LRRC2: variants seen among roughly 807,000 people sequenced by gnomAD.
LRRC2 encodes leucine rich repeat containing 2, also known as leucine-rich repeat-containing protein 2.
A neutral mutation model predicts 40.2 loss-of-function variants in LRRC2; 27 were observed. That is an observed-to-expected ratio of 0.67 (90% CI 0.49 to 0.93). The LOEUF (loss-of-function observed/expected upper bound fraction) is 0.93, where lower values mean the gene tolerates loss of function less well. Among genes scored for constraint, LRRC2 ranks in the 40% least tolerant of loss-of-function variants. LRRC2 has a pLI of 0.00. For missense variants in LRRC2, 402 were observed against 439.6 expected, an observed-to-expected ratio of 0.91 and a Z score of 0.76; for synonymous variants, 147 against 158.9, an observed-to-expected ratio of 0.92 and a Z score of 0.56.
chr3:46,565,946 C>T lies in LRRC2; in HGVS notation c.-20+231G>A, dbSNP rs564956559. Among the ~76,000 whole-genome samples, 6 of 152,376 alleles carry T rather than the reference C, an allele frequency of 3.9e-5. No individual in the cohort carries two copies. The East Asian group carries it at 1.2e-3, about 29-fold the overall frequency. On this transcript the variant is annotated intron_variant, in intron 1 of 8. Coordinates refer to ENST00000395905, the MANE Select transcript of LRRC2 (RefSeq NM_024512.5). Reference sequence around the variant, plus strand: ...CCTCCCCACGCTCTCTCCTTTCTCGCCTTCCCACCATAGTCCTGGACCTCA... The same window carrying T: ...CCTCCCCACGCTCTCTCCTTTCTCGTCTTCCCACCATAGTCCTGGACCTCA...
intron 4 of LRRC2, among the ~76,000 whole-genome samples, chr3:46,537,187 G>C (rs1303400234): frequency 3.9e-5 from 6 of 152,132 alleles, no homozygotes; most frequent in Non-Finnish European, 7.4e-5. Flanking sequence ...GTGATGGCTG[G>C]TGCCATCACC....
At chr3:46,536,032 G>T (rs1037638442) in intron 4 of LRRC2, among the ~76,000 whole-genome samples, 1 of 152,140 alleles carries the variant, frequency 6.6e-6, no homozygotes, top group Non-Finnish European at 1.5e-5. Flanking sequence ...GTCCACCTCC[G>T]CCTTCATGGT....
chr3:46,530,703 A>G (rs553630675), intron 5 of LRRC2, among the ~76,000 whole-genome samples: 1 of 152,362 alleles, frequency 6.6e-6, no homozygotes, highest in African/African-American at 2.4e-5. Context: ...AAGAGAGCTT[A>G]TGCAGAGGAA....
intron 5 of LRRC2, among the ~76,000 whole-genome samples, chr3:46,530,871 C>T (rs1047423161): frequency 1.3e-5 from 2 of 152,080 alleles, no homozygotes; most frequent in Admixed American, 6.6e-5. Flanking sequence ...TGGGTGGGGA[C>T]GCAGCCAAAC....
In LRRC2 at chr3:46,527,533, G is replaced by A; in HGVS notation, c.822C>T (p.Tyr274=). ...TCAGGTTCAGCATGGAATAGGGAAG[G>A]TAGGTCAACTTGTTTTTATACAAGA... is the stretch of plus-strand genomic sequence containing the variant. ...SFLLYKNKLT[Y]LPYSMLNLKK... is the part of the protein sequence containing the mutation. Residue 274 remains tyrosine, a synonymous_variant, in exon 7 of 9, where the codon TAC becomes TAT. Transcript: ENST00000395905. 2 of 1,613,990 alleles carry A rather than the reference G, an allele frequency of 1.2e-6. No homozygotes were observed. The highest frequency in any genetic ancestry group is 1.7e-6 in the Non-Finnish European group (2 of 1,179,870).
chr3:46,538,714 T>C (rs1011895277), intron 4 of LRRC2, among the ~76,000 whole-genome samples: 9 of 152,214 alleles, frequency 5.9e-5, no homozygotes, highest in African/African-American at 2.2e-4. Context: ...ACATTACATT[T>C]CTAATAAGCA....
rs1266690488 is a variant in LRRC2 at position 46,532,926 on chromosome 3, T to C, written c.491-17A>G. ...TCAAACAACCTGTCAGCAGAAAAAG[T>C]TAACATCCATTGAATAGGTCGTTTA... On this transcript the variant is annotated splice_polypyrimidine_tract_variant and intron_variant, in intron 4 of 8. Transcript: ENST00000395905. The C allele has an allele frequency of 1.9e-6, 3 of 1,612,850 alleles. No individual in the cohort carries two copies. Among genetic ancestry groups the C allele is most frequent in the Admixed American group, 1.7e-5 (1 of 59,758 alleles).
At chr3:46,547,444 T>G (rs962832984) in intron 2 of LRRC2, among the ~76,000 whole-genome samples, 2 of 151,824 alleles carry the variant, frequency 1.3e-5, no homozygotes, top group Non-Finnish European at 2.9e-5. Flanking sequence ...GCCAAGAGTT[T>G]GAGACCAGCC....
chr3:46,551,751 CTTTTTTTTTTTTT>C lies in LRRC2; in HGVS notation c.-19-154_-19-142del, dbSNP rs748541390. 41 of 138,948 alleles carry C rather than the reference CTTTTTTTTTTTTT, an allele frequency of 3.0e-4. No individual in the cohort carries two copies. The Middle Eastern group carries it at 8.3e-3, about 28-fold the overall frequency. 8.6% of individuals were successfully genotyped at this position (138,948 alleles called of 1,614,324 possible). A position where few individuals can be genotyped will look rare whatever the true frequency, so the allele number is the denominator to read the frequency against. On this transcript the variant is annotated intron_variant, in intron 1 of 8. Coordinates refer to ENST00000395905, the MANE Select transcript of LRRC2 (RefSeq NM_024512.5). ...TTACTACTTCAAGGATGACAGTTTG[CTTTTTTTTTTTTT>C]TTTTTTTTTTAGCTTGTTTGGCTGG...
At chr3:46,561,288 CA>C (rs879642655) in intron 1 of LRRC2, among the ~76,000 whole-genome samples, 29 of 152,160 alleles carry the variant, frequency 1.9e-4, no homozygotes, top group Non-Finnish European at 3.7e-4. Context: ...CCTGTAATCA[CA>C]GCACTTTGGG....
At chr3:46,543,780 C>T (rs995849535) in intron 3 of LRRC2, among the ~76,000 whole-genome samples, 1 of 152,074 alleles carries the variant, frequency 6.6e-6, no homozygotes, top group Non-Finnish European at 1.5e-5. Flanking sequence ...GTTTACTGGC[C>T]AATGGTATTT....
rs1352868553 is a variant in LRRC2 at position 46,517,883 on chromosome 3, A to C, written c.*1131T>G. The C allele has an allele frequency of 1.3e-5, 2 of 152,290 alleles. No homozygotes were observed. Among genetic ancestry groups the C allele is most frequent in the East Asian group, 3.8e-4 (2 of 5,204 alleles). 9.4% of individuals were successfully genotyped at this position (152,290 alleles called of 1,614,324 possible). A position where few individuals can be genotyped will look rare whatever the true frequency, so the allele number is the denominator to read the frequency against. ...AGTTGTCCTGTGGTACCCACAAGGA[A>C]GCCTTGCTAGGAACTCCTTATCAGT... On this transcript the variant is annotated 3_prime_UTR_variant, in exon 9 of 9. Coordinates refer to ENST00000395905, the MANE Select transcript of LRRC2 (RefSeq NM_024512.5).
At position 46,542,311 on chromosome 3, in the gene LRRC2, C is replaced by A. The variant is rs147772161; in HGVS notation, c.333+2735G>T. 2.0e-4 allele frequency among the ~76,000 whole-genome samples: 30 copies of A among 148,838 alleles called. No individual in the cohort carries two copies. The East Asian group carries it at 5.8e-3, about 29-fold the overall frequency. On this transcript the variant is annotated intron_variant, in intron 3 of 8. Coordinates refer to ENST00000395905, the MANE Select transcript of LRRC2 (RefSeq NM_024512.5). ...CTAGGAGTTCAAGACCAGCCCAGACCACAAAGTGAGACTCCATCTTTAAAA... is the reference window on the plus strand; with the variant it reads ...CTAGGAGTTCAAGACCAGCCCAGACAACAAAGTGAGACTCCATCTTTAAAA...
Position 46,545,212 on chromosome 3 carries a change from T to C in LRRC2, c.167A>G (p.Lys56Arg). Residue 56 changes from lysine to arginine, a missense_variant, in exon 3 of 9, where the codon AAG (lysine) becomes AGG (arginine). Lys to Arg is a conservative substitution (Grantham distance 26). Coordinates refer to ENST00000395905, the MANE Select transcript of LRRC2 (RefSeq NM_024512.5). ...GCAGTATACAGCCTGGGGGATGCCC[T>C]TCCTCCTGCATTCGGCCACAAAGTT... ...EWNFVAECRRKGIPQAVYCKN... is the reference protein window; with the variant it reads ...EWNFVAECRRRGIPQAVYCKN... The C allele has an allele frequency of 6.2e-7, 1 of 1,614,164 alleles. No homozygotes were observed. Among genetic ancestry groups the C allele is most frequent in the Non-Finnish European group, 8.5e-7 (1 of 1,180,014 alleles).
At chr3:46,537,894 T>C (rs1458717789) in intron 4 of LRRC2, among the ~76,000 whole-genome samples, 1 of 152,224 alleles carries the variant, frequency 6.6e-6, no homozygotes, top group African/African-American at 2.4e-5. Flanking sequence ...CCTGGATAGA[T>C]GCTATGCACA....
At chr3:46,558,014 TG>T (rs1222748185) in intron 1 of LRRC2, 1 of 152,238 alleles carries the variant, frequency 6.6e-6, no homozygotes, top group Non-Finnish European at 1.5e-5. Context: ...TCAGAGCACG[TG>T]GGCTGCACAA....
rs544178909 is a variant in LRRC2 at position 46,540,106 on chromosome 3, CCTT to C, written c.334-908_334-906del. On this transcript the variant is annotated intron_variant, in intron 3 of 8. Transcript: ENST00000395905. ...AGGGAGCAATGGAGTCCATAGTGAT[CCTT>C]CTTTTTTGTACTTGGTACTTGTAAT... Among the ~76,000 whole-genome samples, 19 of 152,208 alleles carry C rather than the reference CCTT, an allele frequency of 1.2e-4. 1 individual carries two copies. The highest frequency in any genetic ancestry group is 2.6e-4 in the Non-Finnish European group (18 of 68,030).
chr3:46,554,129 C>T (rs1169219404), intron 1 of LRRC2, among the ~76,000 whole-genome samples: 2 of 152,048 alleles, frequency 1.3e-5, no homozygotes, highest in Non-Finnish European at 2.9e-5. Context: ...AAGCATTCCT[C>T]CTACCTCCAC....
chr3:46,521,799 C>G (rs1703968907), intron 7 of LRRC2, 141 bp from the exon 8 acceptor site: 1 of 738,426 alleles, frequency 1.4e-6, no homozygotes, highest in African/African-American at 1.8e-5. Context: ...ATCAGCATCA[C>G]CAGTGGAATT....
Sources: allele counts gnomAD v4.1 joint callset (sites outside exome capture counted in the v4.1 genomes callset), GRCh38; gene constraint gnomAD v4.1.1; transcripts MANE v1.5; gene names NCBI Gene and HGNC (gene_info 2026-07-23, HGNC 2026-07-21).